GPR137B: variants seen among roughly 807,000 people sequenced by gnomAD.
GPR137B encodes the protein G protein-coupled receptor 137B.
A neutral mutation model predicts 42.5 loss-of-function variants in GPR137B; 42 were observed. The observed-to-expected ratio is 0.99, with a 90% CI of 0.77 to 1.28. GPR137B has a LOEUF of 1.28. Among genes scored for constraint, GPR137B ranks in the 50% most tolerant of loss-of-function variants. The probability of loss-of-function intolerance (pLI) is 0.00; values close to 1 mark genes in which losing one functional copy is unlikely to be tolerated. For missense variants in GPR137B, 487 were observed against 493.9 expected (o/e 0.99, Z 0.13); for synonymous variants, 218 against 209.7 (o/e 1.04, Z -0.34).
intron 1 of GPR137B, among the ~76,000 whole-genome samples, chr1:236,160,226 C>T (rs1662148172): frequency 6.6e-6 from 1 of 152,184 alleles, no homozygotes; most frequent in South Asian, 2.1e-4. Flanking sequence ...TCCCATCCTT[C>T]TTGCCACAAC....
intron 1 of GPR137B, among the ~76,000 whole-genome samples, chr1:236,158,159 T>C (rs10924415): frequency 0.33 from 49,869 of 152,030 alleles, 11,220 homozygotes; most frequent in African/African-American, 0.61. Flanking sequence ...CATGGTGGCT[T>C]ATGCCTGTAA....
Position 236,142,766 on chromosome 1 carries a change from C to T in GPR137B, c.144C>T (p.Val48=). ...PPYVKLGLTV[V]YTVFYALLFV... Reference sequence around the variant, plus strand: ...ACGTGAAGCTTGGCCTCACCGTCGTCTACACCGTGTTCTACGCGCTGCTCT... The same window carrying T: ...ACGTGAAGCTTGGCCTCACCGTCGTTTACACCGTGTTCTACGCGCTGCTCT... The change falls in exon 1 of 7, where the codon GTC becomes GTT. Residue 48 remains valine, a synonymous_variant. Coordinates refer to ENST00000366592, the MANE Select transcript of GPR137B (RefSeq NM_003272.4). The T allele has an allele frequency of 6.2e-7, 1 of 1,613,606 alleles. No homozygotes were observed. The highest frequency in any genetic ancestry group is 8.5e-7 in the Non-Finnish European group (1 of 1,179,984).
At chr1:236,144,524 A>G (rs1388247815) in intron 1 of GPR137B, among the ~76,000 whole-genome samples, 2 of 152,270 alleles carry the variant, frequency 1.3e-5, no homozygotes, top group African/African-American at 2.4e-5. Flanking sequence ...AAAAAATAGC[A>G]TATGTGATAT....
At chr1:236,154,390 T>G (rs1661954050) in intron 1 of GPR137B, among the ~76,000 whole-genome samples, 1 of 152,030 alleles carries the variant, frequency 6.6e-6, no homozygotes. Context: ...CTTCCCCGAG[T>G]TCTCTCTGCT....
intron 1 of GPR137B, among the ~76,000 whole-genome samples, chr1:236,164,527 C>T (rs12079639): frequency 0.027 from 4,104 of 152,292 alleles, 223 homozygotes; most frequent in African/African-American, 0.094. Flanking sequence ...AGAGCCCAGC[C>T]GGCCAGAGAG....
At position 236,208,002 on chromosome 1, in the gene GPR137B, C is replaced by T. The variant is rs200890032; in HGVS notation, c.1092-48C>T. ...TCTACCTAAACTAGACTATGTCATACATACTATATAATGTTTCAAGTCACT... is the reference window on the plus strand; with the variant it reads ...TCTACCTAAACTAGACTATGTCATATATACTATATAATGTTTCAAGTCACT... On this transcript the variant is annotated intron_variant, in intron 6 of 6. Coordinates refer to ENST00000366592, the MANE Select transcript of GPR137B (RefSeq NM_003272.4). 88 of 1,345,180 alleles carry T rather than the reference C, an allele frequency of 6.5e-5. No individual in the cohort carries two copies. The Middle Eastern group carries it at 2.5e-3, about 38-fold the overall frequency. 83.3% of individuals were successfully genotyped at this position (1,345,180 alleles called of 1,614,324 possible).
At chr1:236,193,220 A>G (rs1572003295) in intron 5 of GPR137B, among the ~76,000 whole-genome samples, 2 of 152,262 alleles carry the variant, frequency 1.3e-5, no homozygotes, top group Non-Finnish European at 2.9e-5. Context: ...CTTGACCCAC[A>G]TCAAGAAGTT....
At chr1:236,176,633 C>T (rs1016938111) in intron 2 of GPR137B, among the ~76,000 whole-genome samples, 5 of 152,134 alleles carry the variant, frequency 3.3e-5, no homozygotes, top group Admixed American at 1.3e-4. Context: ...TGTGACGGGT[C>T]GTTTTCCCAC....
chr1:236,170,756 A>G (rs1662510310), intron 2 of GPR137B, among the ~76,000 whole-genome samples: 1 of 152,134 alleles, frequency 6.6e-6, no homozygotes, highest in African/African-American at 2.4e-5. Flanking sequence ...CAGGTAGGTC[A>G]TTTGAGGTCA....
At position 236,178,568 on chromosome 1, in the gene GPR137B, GTCTC is replaced by G. The variant is rs1436208666; in HGVS notation, c.626_629del (p.Leu209ProfsTer12). 5 of 1,612,786 alleles carry G rather than the reference GTCTC, an allele frequency of 3.1e-6. No homozygotes were observed. The African/African-American group carries it at 5.3e-5, about 17-fold the overall frequency. On this transcript the variant is annotated frameshift_variant, in exon 3 of 7. Transcript: ENST00000366592. LOFTEE classifies it high-confidence loss of function. ...TGACACGCTCTTCGTGCTGTGTGCC[GTCTC>G]TCTCTCCATCTGTCTCTACAAAATC...
Position 236,142,602 on chromosome 1 carries a change from C to G in GPR137B, c.-21C>G. 7.8e-7 allele frequency: 1 copy of G among 1,288,264 alleles called. No homozygotes were observed. The highest frequency in any genetic ancestry group is 9.8e-7 in the Non-Finnish European group (1 of 1,021,694). The allele number at this position is 1,288,264 out of a possible 1,614,324, so 79.8% of individuals were successfully genotyped here. A position where few individuals can be genotyped will look rare whatever the true frequency, so the allele number is the denominator to read the frequency against. ...CGATGCGCGGAGACCCCCGCGGGGG[C>G]GGCGGCGGCCGTGAGCCCCGATGAG... On this transcript the variant is annotated 5_prime_UTR_variant, in exon 1 of 7. Coordinates refer to ENST00000366592, the MANE Select transcript of GPR137B (RefSeq NM_003272.4).
At position 236,208,477 on chromosome 1, in the gene GPR137B, A is replaced by T; in HGVS notation, c.*319A>T. Reference sequence around the variant, plus strand: ...AGGGTTTTTTTTTCTTGAGAATGTTACTGCAATCATGTTGTAGTTTGCACA... The same window carrying T: ...AGGGTTTTTTTTTCTTGAGAATGTTTCTGCAATCATGTTGTAGTTTGCACA... On this transcript the variant is annotated 3_prime_UTR_variant, in exon 7 of 7. Transcript: ENST00000366592. The T allele has an allele frequency of 1.1e-6, 1 of 882,514 alleles. No homozygotes were observed. Among genetic ancestry groups the T allele is most frequent in the Non-Finnish European group, 1.4e-6 (1 of 715,528 alleles). The allele number at this position is 882,514 out of a possible 1,614,324, so 54.7% of individuals were successfully genotyped here.
At chr1:236,148,021 G>T (rs146108753) in intron 1 of GPR137B, among the ~76,000 whole-genome samples, 48 of 152,186 alleles carry the variant, frequency 3.2e-4, no homozygotes, top group Non-Finnish European at 6.0e-4. Flanking sequence ...CCAGCTTTGG[G>T]GAACAGCTGA....
Position 236,200,736 on chromosome 1 carries a change from A to C in GPR137B, c.967-4390A>C, listed in dbSNP as rs539692194. Among the ~76,000 whole-genome samples, 178 of 152,068 alleles carry C rather than the reference A, an allele frequency of 1.2e-3. 3 individuals are homozygous for C. The South Asian group carries it at 0.02, about 17-fold the overall frequency. On this transcript the variant is annotated intron_variant, in intron 5 of 6. Coordinates refer to ENST00000366592, the MANE Select transcript of GPR137B (RefSeq NM_003272.4). ...TTACCTTAAGTTTATGTGAGTACTT[A>C]TGCATTAGTTGAGTCTCTTGAAGAC... is the stretch of plus-strand genomic sequence containing the variant.
chr1:236,163,533 C>A (rs1168034006), intron 1 of GPR137B, among the ~76,000 whole-genome samples: 2 of 152,130 alleles, frequency 1.3e-5, no homozygotes, highest in African/African-American at 4.8e-5. Flanking sequence ...TCCCGGAATT[C>A]CCATGTGTTG....
Position 236,157,226 on chromosome 1 carries a change from C to CTTT in GPR137B, c.415-11466_415-11464dup, listed in dbSNP as rs35627938. On this transcript the variant is annotated intron_variant, in intron 1 of 6. Transcript: ENST00000366592. ...AGGTAAGCCAGCTCCAGATTCCACA[C>CTTT]TTTTTTTTTTTTTTTTGAGACGGAG... Among the ~76,000 whole-genome samples, 2,424 of 139,050 alleles carry CTTT rather than the reference C, an allele frequency of 0.017. 130 individuals are homozygous for CTTT. In the East Asian group the frequency reaches 0.18, roughly 10 times the overall value. 91.2% of individuals were successfully genotyped at this position (139,050 alleles called of 152,430 possible).
chr1:236,201,057 T>G (rs1450417415), intron 5 of GPR137B, among the ~76,000 whole-genome samples: 1 of 152,070 alleles, frequency 6.6e-6, no homozygotes, highest in African/African-American at 2.4e-5. Flanking sequence ...TTTGGTTGTC[T>G]GAAGACTTTG....
At chr1:236,177,686 G>A (rs1165540708) in intron 2 of GPR137B, among the ~76,000 whole-genome samples, 1 of 152,002 alleles carries the variant, frequency 6.6e-6, no homozygotes, top group Non-Finnish European at 1.5e-5. Flanking sequence ...CTCCTGAGTA[G>A]CTGGGATTAC....
At position 236,150,977 on chromosome 1, in the gene GPR137B, T is replaced by C. The variant is rs887541962; in HGVS notation, c.414+7941T>C. 2.9e-4 allele frequency among the ~76,000 whole-genome samples: 44 copies of C among 152,132 alleles called. No homozygotes were observed. The highest frequency in any genetic ancestry group is 2.1e-3 in the Admixed American group (32 of 15,274). ...GGGTGGGCTGCCCAGAGAGGAACAT[T>C]TGCAAGATCCAAGACCCTCTACAAA... On this transcript the variant is annotated intron_variant, in intron 1 of 6. Coordinates refer to ENST00000366592, the MANE Select transcript of GPR137B (RefSeq NM_003272.4). The surrounding 1 kb of genome is among the most constrained non-coding windows in gnomAD (Gnocchi z 6.2).
Sources: allele counts gnomAD v4.1 joint callset (sites outside exome capture counted in the v4.1 genomes callset), GRCh38; gene constraint gnomAD v4.1.1; non-coding constraint Gnocchi (gnomAD v3.1); transcripts MANE v1.5; gene names NCBI Gene and HGNC (gene_info 2026-07-23, HGNC 2026-07-21).